Variants in LYPD6 observed in about 807,000 individuals in gnomAD.
The protein encoded by LYPD6 is ly6/PLAUR domain-containing protein 6.
A neutral mutation model predicts 22.7 loss-of-function variants in LYPD6; 15 were observed. The observed-to-expected ratio is 0.66, with a 90% CI of 0.44 to 1.02. The LOEUF is 1.02. Ranked by LOEUF, LYPD6 falls within the 50% of genes least tolerant of loss-of-function variation. The pLI is 0.00. For missense variants in LYPD6, 189 were observed against 208.4 expected (o/e 0.91, Z 0.57); for synonymous variants, 72 against 77.5 (o/e 0.93, Z 0.37).
intron 3 of LYPD6, among the ~76,000 whole-genome samples, chr2:149,463,708 G>A (rs1205027701): frequency 6.6e-6 from 1 of 152,148 alleles, no homozygotes; most frequent in African/African-American, 2.4e-5. Context: ...AGCAATAAAA[G>A]TTAACAAACT....
rs116326302 is a variant in LYPD6 at position 149,442,525 on chromosome 2, G to A, written c.118+4699G>A. Among the ~76,000 whole-genome samples, 1,166 of 151,946 alleles carry A rather than the reference G, an allele frequency of 7.7e-3. 8 individuals carry two copies. Among genetic ancestry groups the A allele is most frequent in the South Asian group, 0.016 (79 of 4,820 alleles). On this transcript the variant is annotated intron_variant, in intron 2 of 4. Transcript: ENST00000334166. ...GAGCTTATTAACTCTGTGATCAAGAGCCAAATTAGATTCATTCACAGCTGG... is the reference window on the plus strand; with the variant it reads ...GAGCTTATTAACTCTGTGATCAAGAACCAAATTAGATTCATTCACAGCTGG...
chr2:149,422,684 A>C (rs1417232361), intron 1 of LYPD6, among the ~76,000 whole-genome samples: 1 of 152,146 alleles, frequency 6.6e-6, no homozygotes, highest in Non-Finnish European at 1.5e-5. Flanking sequence ...ACCATGCTGT[A>C]CAACAGATCC....
At chr2:149,351,392 TAAA>T (rs71397025) in intron 1 of LYPD6, among the ~76,000 whole-genome samples, 4 of 83,114 alleles carry the variant, frequency 4.8e-5, no homozygotes, top group African/African-American at 9.3e-5. Flanking sequence ...AGACTCCATC[TAAA>T]AAAAAAAAAA....
the LYPD6 span, among the ~76,000 whole-genome samples, chr2:149,484,224 G>A: frequency 6.6e-6 from 1 of 152,164 alleles, no homozygotes; most frequent in Non-Finnish European, 1.5e-5. Context: ...GTAGAGAAAT[G>A]GATTAGAATA....
chr2:149,342,708 C>T lies in LYPD6; in HGVS notation c.-72+11986C>T, dbSNP rs145110951. ...AAGGCCAGATCTGTTTAATCTCTAACGGCCAGTGTTCTTTCTGTTCATTCC... is the reference window on the plus strand; with the variant it reads ...AAGGCCAGATCTGTTTAATCTCTAATGGCCAGTGTTCTTTCTGTTCATTCC... On this transcript the variant is annotated intron_variant, in intron 1 of 4. Transcript: ENST00000334166. Among the ~76,000 whole-genome samples, 1,180 of 152,274 alleles carry T rather than the reference C, an allele frequency of 7.7e-3. 49 individuals are homozygous for T. Among genetic ancestry groups the T allele is most frequent in the Admixed American group, 0.068 (1,044 of 15,290 alleles).
chr2:149,406,532 T>A (rs1682713021), intron 1 of LYPD6, among the ~76,000 whole-genome samples: 3 of 152,218 alleles, frequency 2.0e-5, no homozygotes, highest in African/African-American at 2.4e-5. Flanking sequence ...TAAAGTCTGT[T>A]TTATCAGAGA....
intron 1 of LYPD6, among the ~76,000 whole-genome samples, chr2:149,346,035 A>G (rs1311700188): frequency 1.3e-5 from 2 of 152,154 alleles, no homozygotes; most frequent in Non-Finnish European, 1.5e-5. Flanking sequence ...AATAGATGTC[A>G]AGTAGATATT....
intron 1 of LYPD6, among the ~76,000 whole-genome samples, chr2:149,360,715 A>C (rs1386218271): frequency 6.6e-6 from 1 of 151,992 alleles, no homozygotes; most frequent in African/African-American, 2.4e-5. Flanking sequence ...TTGAAATATA[A>C]ATCTCAATGA....
intron 1 of LYPD6, among the ~76,000 whole-genome samples, chr2:149,387,914 C>T (rs562835096): frequency 6.6e-6 from 1 of 152,090 alleles, no homozygotes; most frequent in Non-Finnish European, 1.5e-5. Context: ...TGAAATATGA[C>T]CTTGGTGTTA....
At chr2:149,442,901 A>G (rs1236118251) in intron 2 of LYPD6, among the ~76,000 whole-genome samples, 2 of 152,076 alleles carry the variant, frequency 1.3e-5, no homozygotes, top group African/African-American at 4.8e-5. Flanking sequence ...CAAATATTAA[A>G]CTCTAGCCAT....
intron 1 of LYPD6, among the ~76,000 whole-genome samples, chr2:149,387,746 A>G (rs761021519): frequency 3.3e-5 from 5 of 152,190 alleles, no homozygotes; most frequent in Non-Finnish European, 7.3e-5. Flanking sequence ...GAGAGAATAT[A>G]GAGGGAGCCA....
At chr2:149,461,613 A>G (rs1274787501) in intron 3 of LYPD6, among the ~76,000 whole-genome samples, 2 of 152,014 alleles carry the variant, frequency 1.3e-5, no homozygotes, top group Non-Finnish European at 2.9e-5. Context: ...ACAAAATTCC[A>G]ATCTATTATT....
intron 1 of LYPD6, among the ~76,000 whole-genome samples, chr2:149,435,928 T>C (rs1186629434): frequency 2.0e-5 from 3 of 152,248 alleles, no homozygotes; most frequent in East Asian, 1.9e-4. Flanking sequence ...TAGCATGTTA[T>C]GCATTTTATG....
chr2:149,338,007 A>AT (rs35757769), intron 1 of LYPD6, among the ~76,000 whole-genome samples: 19 of 151,996 alleles, frequency 1.3e-4, no homozygotes, highest in African/African-American at 3.9e-4. Flanking sequence ...TATGTACCAC[A>AT]TTTTTTTTAA....
downstream of LYPD6, among the ~76,000 whole-genome samples, chr2:149,474,609 G>C (rs1337633238): frequency 6.6e-6 from 1 of 152,166 alleles, no homozygotes; most frequent in African/African-American, 2.4e-5. Context: ...GTTGGTCACT[G>C]ATGCTCCTTA....
intron 1 of LYPD6, among the ~76,000 whole-genome samples, chr2:149,341,971 T>C (rs1681169411): frequency 6.6e-6 from 1 of 152,174 alleles, no homozygotes; most frequent in African/African-American, 2.4e-5. Context: ...GGTTTTGCAT[T>C]ATATGACAAA....
intron 2 of LYPD6, among the ~76,000 whole-genome samples, chr2:149,445,857 C>T (rs1286794618): frequency 1.3e-5 from 2 of 152,206 alleles, no homozygotes; most frequent in East Asian, 3.9e-4. Flanking sequence ...CTTCAAGAAC[C>T]TTTCCTTTAT....
rs1165741837 is a variant in LYPD6 at position 149,473,041 on chromosome 2, T to C, written c.*2191T>C. On this transcript the variant is annotated 3_prime_UTR_variant, in exon 5 of 5. Transcript: ENST00000334166. The stretch of plus-strand genomic sequence containing the variant: ...TCATCCCTCTTGCTAAAAGAGGAGA[T>C]AGTTGATGTTGCATCTAAAGATGCT... 2.6e-5 allele frequency: 4 copies of C among 152,464 alleles called. No individual in the cohort carries two copies. The highest frequency in any genetic ancestry group is 1.9e-4 in the East Asian group (1 of 5,198). The allele number at this position is 152,464 out of a possible 1,614,324, so 9.4% of individuals were successfully genotyped here.
chr2:149,468,428 G>A (rs566335497), intron 3 of LYPD6, among the ~76,000 whole-genome samples: 2 of 152,224 alleles, frequency 1.3e-5, no homozygotes, highest in African/African-American at 4.8e-5. Context: ...AATAATGCTG[G>A]GCAGAGAAAT....
Sources: allele counts gnomAD v4.1 joint callset (sites outside exome capture counted in the v4.1 genomes callset), GRCh38; gene constraint gnomAD v4.1.1; transcripts MANE v1.5; gene names NCBI Gene and HGNC (gene_info 2026-07-23, HGNC 2026-07-21).